Variants in ATP1A4 observed in about 807,000 individuals in gnomAD.
ATP1A4 encodes ATPase Na+/K+ transporting subunit alpha 4.
In ATP1A4, 90 loss-of-function variants were observed where a neutral mutation model predicts 114.3. The ratio of observed to expected loss-of-function variants is 0.79; its 90% CI spans 0.66 to 0.94. The LOEUF (loss-of-function observed/expected upper bound fraction) is 0.94, where lower values mean the gene tolerates loss of function less well. Among genes scored for constraint, ATP1A4 ranks in the 40% least tolerant of loss-of-function variants. The probability of loss-of-function intolerance (pLI) is 0.00; values close to 1 mark genes in which losing one functional copy is unlikely to be tolerated. For synonymous variants in ATP1A4, 511 were observed against 494.1 expected (o/e 1.03, Z -0.45); for missense variants, 1,222 against 1,313.6 (o/e 0.93, Z 1.08).
At chr1:160,174,412 C>T in intron 14 of ATP1A4, 151 bp downstream of exon 14, 1 of 1,427,168 alleles carries the variant, frequency 7.0e-7, no homozygotes, top group Non-Finnish European at 9.4e-7. Flanking sequence ...CAGTTTGGGG[C>T]TCCCTGAAAG....
At chr1:160,181,582 C>T in intron 18 of ATP1A4, 102 bp from the exon 19 acceptor site, 1 of 1,305,772 alleles carries the variant, frequency 7.7e-7, no homozygotes, top group Non-Finnish European at 1.1e-6. Context: ...AGAATGAGGA[C>T]CTGACTCAGC....
intron 21 of ATP1A4, 41 bp from the exon 22 acceptor site, chr1:160,186,630 A>C: frequency 1.9e-6 from 3 of 1,601,288 alleles, no homozygotes; most frequent in Non-Finnish European, 2.6e-6. Flanking sequence ...GATGCCTCTA[A>C]TTCCTTCTCC....
At chr1:160,163,233 C>G (rs867816203) in intron 6 of ATP1A4, among the ~76,000 whole-genome samples, 3 of 152,132 alleles carry the variant, frequency 2.0e-5, no homozygotes, top group Middle Eastern at 3.4e-3. Flanking sequence ...CATGTGTAGA[C>G]AGTTCTCCCC....
Position 160,174,561 on chromosome 1 carries a change from C to G in ATP1A4, c.2143-18C>G. On this transcript the variant is annotated intron_variant, in intron 14 of 21. Transcript: ENST00000368081. ...TGATGCAATAAATTGTTCACTCTCT[C>G]TGTCTGGACTTCCTCAGGGAGCCGT... The G allele has an allele frequency of 1.9e-6, 3 of 1,609,530 alleles. No homozygotes were observed. Among genetic ancestry groups the G allele is most frequent in the African/African-American group, 2.7e-5 (2 of 74,980 alleles).
At chr1:160,169,322 C>T (rs1009856568) in intron 10 of ATP1A4, among the ~76,000 whole-genome samples, 13 of 152,178 alleles carry the variant, frequency 8.5e-5, no homozygotes, top group Non-Finnish European at 1.6e-4. Flanking sequence ...CTTCTCCCTC[C>T]GTCTCTTTTA....
At chr1:160,166,381 A>G (rs1224351755) in intron 7 of ATP1A4, 147 bp from the exon 8 acceptor site, 1 of 1,069,898 alleles carries the variant, frequency 9.3e-7, no homozygotes, top group Non-Finnish European at 1.3e-6. Context: ...ACAGCCAGAA[A>G]TGAAATGTGT....
rs1342375910 is a variant in ATP1A4 at position 160,167,097 on chromosome 1, G to T, written c.1356+20G>T. On this transcript the variant is annotated intron_variant, in intron 9 of 21. Transcript: ENST00000368081. ...GCTAAGGTGTCAGGCCCAAGGGGAA[G>T]AGGGTACCTCAGTGTCCAGGGTGTA... 6.2e-7 allele frequency: 1 copy of T among 1,611,276 alleles called. No individual in the cohort carries two copies. The highest frequency in any genetic ancestry group is 8.5e-7 in the Non-Finnish European group (1 of 1,177,598).
chr1:160,172,740 G>A (rs1653308729), intron 12 of ATP1A4, among the ~76,000 whole-genome samples: 1 of 152,190 alleles, frequency 6.6e-6, no homozygotes, highest in South Asian at 2.1e-4. Flanking sequence ...TTCTCTGTTG[G>A]AACTGGCTTT....
chr1:160,153,072 T>C (rs1044148030), intron 1 of ATP1A4, 93 bp from the exon 2 acceptor site: 7 of 1,030,852 alleles, frequency 6.8e-6, no homozygotes, highest in Non-Finnish European at 1.1e-5. Context: ...GCAGTCTCAG[T>C]TTGGACTAAC....
rs1477869465 is a variant in ATP1A4, at chr1:160,164,442, A to T, written c.1047+18A>T. 3 of 1,612,236 alleles carry T rather than the reference A, an allele frequency of 1.9e-6. No homozygotes were observed. The highest frequency in any genetic ancestry group is 2.5e-6 in the Non-Finnish European group (3 of 1,178,654). On this transcript the variant is annotated intron_variant, in intron 7 of 21. Coordinates refer to ENST00000368081, the MANE Select transcript of ATP1A4 (RefSeq NM_144699.4). ...CAGTCACTGTGAGTAGACAGGGTGG[A>T]AAATGGCCTCAGGGCAGACAAACCA...
chr1:160,186,086 CAAAAA>C (rs527303426), intron 20 of ATP1A4, among the ~76,000 whole-genome samples, 185 bp from the exon 21 acceptor site: 4 of 32,790 alleles, frequency 1.2e-4, no homozygotes, highest in East Asian at 1.3e-3. Context: ...GACTCTGTCG[CAAAAA>C]AAAAAAAAAA....
chr1:160,167,970 C>A (rs1318759035), intron 10 of ATP1A4, among the ~76,000 whole-genome samples: 1 of 152,186 alleles, frequency 6.6e-6, no homozygotes, highest in Non-Finnish European at 1.5e-5. Flanking sequence ...GGATGCAAAT[C>A]ATATTAGATT....
In ATP1A4 at chr1:160,174,621, C is replaced by G. The variant is rs780143345; in HGVS notation, c.2185C>G (p.Pro729Ala). Reference sequence around the variant, plus strand: ...GACAGGTGACGGGGTGAACGACTCCCCTGCGCTGAAGAAGGCTGACATTGG... The same window carrying G: ...GACAGGTGACGGGGTGAACGACTCCGCTGCGCTGAAGAAGGCTGACATTGG... ...AVTGDGVNDS[P>A]ALKKADIGIA... is the part of the protein sequence containing the mutation. The change falls in exon 15 of 22, where the codon CCT becomes GCT. Residue 729 changes from proline (P) to alanine (A), a missense_variant. Physicochemically the swap from Pro to Ala is conservative, Grantham distance 27. Transcript: ENST00000368081. 8 of 1,614,188 alleles carry G rather than the reference C, an allele frequency of 5.0e-6. No individual in the cohort carries two copies. Among genetic ancestry groups the G allele is most frequent in the Middle Eastern group, 1.6e-4 (1 of 6,062 alleles).
chr1:160,153,140 C>T, intron 1 of ATP1A4, 25 bp from the exon 2 acceptor site: 1 of 1,610,988 alleles, frequency 6.2e-7, no homozygotes, highest in African/African-American at 1.3e-5. Context: ...CCCCCTGTCC[C>T]TCAATGCCTC....
chr1:160,171,206 T>C (rs1653242466), intron 10 of ATP1A4, 45 bp from the exon 11 acceptor site: 1 of 1,534,862 alleles, frequency 6.5e-7, no homozygotes, highest in Non-Finnish European at 8.8e-7. Context: ...CCCTGATCCT[T>C]GGTCTCTCCT....
chr1:160,180,083 C>A (rs529329815), intron 18 of ATP1A4, among the ~76,000 whole-genome samples: 1 of 152,252 alleles, frequency 6.6e-6, no homozygotes, highest in African/African-American at 2.4e-5. Flanking sequence ...TCAACATGGA[C>A]AATTCAATCT....
At chr1:160,169,821 C>T (rs1185583846) in intron 10 of ATP1A4, 1 of 152,238 alleles carries the variant, frequency 6.6e-6, no homozygotes, top group Non-Finnish European at 1.5e-5. Flanking sequence ...TGAATGTGCC[C>T]TTTCCCTCCC....
rs1653343309 is a variant in ATP1A4 at position 160,173,599 on chromosome 1, G to T, written c.1873G>T (p.Asp625Tyr). ...AACCCAGGTGATCATGGTAACAGGA[G>T]ATCATCCCATTACAGCTAAGGCCAT... ...AGIKVIMVTGDHPITAKAIAK... is the reference protein window; with the variant it reads ...AGIKVIMVTGYHPITAKAIAK... Residue 625 changes from aspartate (D) to tyrosine (Y), a missense_variant, in exon 13 of 22, where the codon GAT (aspartate) becomes TAT (tyrosine). By Grantham distance (160) the Asp-to-Tyr change is radical. Transcript: ENST00000368081. 2 of 1,614,004 alleles carry T rather than the reference G, an allele frequency of 1.2e-6. No individual in the cohort carries two copies. Among genetic ancestry groups the T allele is most frequent in the Admixed American group, 1.7e-5 (1 of 60,006 alleles).
intron 10 of ATP1A4, chr1:160,169,617 C>T (rs1741951): frequency 1 from 152,048 of 152,380 alleles, 75,859 homozygotes; most frequent in Non-Finnish European, 1. Context: ...CAGTACAGTC[C>T]GGCCTCCTCT....
Sources: allele counts gnomAD v4.1 joint callset (sites outside exome capture counted in the v4.1 genomes callset), GRCh38; gene constraint gnomAD v4.1.1; transcripts MANE v1.5; gene names NCBI Gene and HGNC (gene_info 2026-07-23, HGNC 2026-07-21).